MDM2: variants seen among roughly 807,000 people sequenced by gnomAD.
The protein encoded by MDM2 is E3 ubiquitin-protein ligase Mdm2.
A neutral mutation model predicts 64.3 loss-of-function variants in MDM2; 11 were observed. The ratio of observed to expected loss-of-function variants is 0.17; its 90% CI spans 0.11 to 0.28. MDM2 has a LOEUF of 0.28. Among genes scored for constraint, MDM2 ranks in the 10% least tolerant of loss-of-function variants. MDM2 has a pLI of 1.00. For synonymous variants in MDM2, 194 were observed against 192.9 expected (o/e 1.01, Z -0.05); for missense variants, 388 against 577.1 (o/e 0.67, Z 3.36).
At chr12:68,846,814 T>C (rs758207457), downstream of MDM2, 23 of 152,062 alleles carry the variant, frequency 1.5e-4, no homozygotes, top group Admixed American at 1.5e-3. Context: ...TGGTACTTAC[T>C]CGCCTAGTGA....
At chr12:68,830,616 G>C (rs1882716415) in intron 8 of MDM2, among the ~76,000 whole-genome samples, 1 of 152,178 alleles carries the variant, frequency 6.6e-6, no homozygotes, top group African/African-American at 2.4e-5. Flanking sequence ...AGGCTCTTGA[G>C]CGGAAATATA....
In MDM2 at chr12:68,839,989, A is replaced by C; in HGVS notation, c.*140A>C. ...TTCTTCTCTTTAGTATAATTGACCT[A>C]CTTTGGTAGTGGAATAGTGAATACT... is the stretch of plus-strand genomic sequence containing the variant. On this transcript the variant is annotated 3_prime_UTR_variant, in exon 11 of 11. Transcript: ENST00000258149. 1 of 748,612 alleles carries C rather than the reference A, an allele frequency of 1.3e-6. No individual in the cohort carries two copies. The allele number at this position is 748,612 out of a possible 1,614,324, so 46.4% of individuals were successfully genotyped here. A position where few individuals can be genotyped will look rare whatever the true frequency, so the allele number is the denominator to read the frequency against.
chr12:68,826,862 G>T (rs562429730), intron 7 of MDM2, among the ~76,000 whole-genome samples: 1 of 151,874 alleles, frequency 6.6e-6, no homozygotes, highest in African/African-American at 2.4e-5. Flanking sequence ...CTCACGTGCA[G>T]AACTTGTGAT....
chr12:68,845,001 C>CAAGTG lies in MDM2; in HGVS notation c.*5154_*5158dup, dbSNP rs759423049. On this transcript the variant is annotated 3_prime_UTR_variant, in exon 11 of 11. Coordinates refer to ENST00000258149, the MANE Select transcript of MDM2 (RefSeq NM_002392.6). ...CAGGCTGGGCTCAAACTCCTGACCT[C>CAAGTG]AAGTGATCTGCCCGCCTTGGCCCCC... 2.6e-4 allele frequency: 51 copies of CAAGTG among 195,722 alleles called. No individual in the cohort carries two copies. In the East Asian group the frequency reaches 2.9e-3, roughly 11 times the overall value. The allele number at this position is 195,722 out of a possible 1,614,324, so 12.1% of individuals were successfully genotyped here.
intron 2 of MDM2, among the ~76,000 whole-genome samples, chr12:68,812,288 T>G (rs1375747053): frequency 1.3e-5 from 2 of 152,198 alleles, no homozygotes; most frequent in African/African-American, 4.8e-5. Flanking sequence ...GTTTTATTGA[T>G]TAGCTGGAAA....
intron 7 of MDM2, among the ~76,000 whole-genome samples, chr12:68,825,186 G>T (rs1454940911): frequency 8.6e-5 from 13 of 152,000 alleles, no homozygotes. Context: ...TCCAGCCTGG[G>T]TAACCGTGTG....
In MDM2 at chr12:68,842,626, AC is replaced by A. The variant is rs1883877740; in HGVS notation, c.*2778del. 1 of 288,704 alleles carries A rather than the reference AC, an allele frequency of 3.5e-6. No homozygotes were observed. The highest frequency in any genetic ancestry group is 6.9e-6 in the Non-Finnish European group (1 of 145,882). 17.9% of individuals were successfully genotyped at this position (288,704 alleles called of 1,614,324 possible). A position where few individuals can be genotyped will look rare whatever the true frequency, so the allele number is the denominator to read the frequency against. On this transcript the variant is annotated 3_prime_UTR_variant, in exon 11 of 11. Transcript: ENST00000258149. ...AGTGAAATGTGGACATAAAATAGTT[AC>A]GCTATTTGGTTAATGGTACTAGACA...
rs369621978 is a variant in MDM2, at chr12:68,813,669, A to G, written c.174+41A>G. Reference sequence around the variant, plus strand: ...AGATAAGTAGTATCTCACTAGTTACATGTAGCCATACTTAAAGTTTTCAAG... The same window carrying G: ...AGATAAGTAGTATCTCACTAGTTACGTGTAGCCATACTTAAAGTTTTCAAG... On this transcript the variant is annotated intron_variant, in intron 3 of 10. Coordinates refer to ENST00000258149, the MANE Select transcript of MDM2 (RefSeq NM_002392.6). The G allele has an allele frequency of 1.3e-4, 191 of 1,419,400 alleles. 1 individual carries two copies. Among genetic ancestry groups the G allele is most frequent in the Non-Finnish European group, 1.8e-4 (179 of 1,014,578 alleles). 87.9% of individuals were successfully genotyped at this position (1,419,400 alleles called of 1,614,324 possible). A position where few individuals can be genotyped will look rare whatever the true frequency, so the allele number is the denominator to read the frequency against.
At chr12:68,820,813 T>G (rs1881778034) in intron 5 of MDM2, among the ~76,000 whole-genome samples, 1 of 152,190 alleles carries the variant, frequency 6.6e-6, no homozygotes, top group South Asian at 2.1e-4. Context: ...CCTACTTCCG[T>G]TTCTTAACTG....
intron 4 of MDM2, 64 bp downstream of exon 4, chr12:68,817,009 C>T (rs2136122058): frequency 6.5e-7 from 1 of 1,545,572 alleles, no homozygotes; most frequent in Non-Finnish European, 8.7e-7. Flanking sequence ...TCACCTCTAC[C>T]CTCATTCACT....
chr12:68,829,090 C>A (rs1282594146), intron 8 of MDM2, among the ~76,000 whole-genome samples, 159 bp downstream of exon 8: 1 of 152,140 alleles, frequency 6.6e-6, no homozygotes, highest in Non-Finnish European at 1.5e-5. Context: ...ATATTGATCT[C>A]CACCTTCAAC....
chr12:68,833,343 T>TTATATAAATATAAAAATATA (rs1883051265), intron 8 of MDM2, among the ~76,000 whole-genome samples: 1 of 125,484 alleles, frequency 8.0e-6, no homozygotes, highest in Non-Finnish European at 1.7e-5. Context: ...AAATATATAT[T>TTATATAAATATAAAAATATA]TATGTAAATA....
intron 1 of MDM2, 182 bp from the exon 2 acceptor site, chr12:68,809,026 T>A: frequency 6.7e-7 from 1 of 1,483,748 alleles, no homozygotes; most frequent in Non-Finnish European, 8.9e-7. Context: ...CTGTGTTCAG[T>A]GGCGATTGGA....
In MDM2 at chr12:68,839,936, G is replaced by A. The variant is rs3730656; in HGVS notation, c.*87G>A. The A allele has an allele frequency of 0.02, 23,532 of 1,201,822 alleles. 3,479 individuals carry two copies. In the African/African-American group the frequency reaches 0.32, roughly 16 times the overall value. The allele number at this position is 1,201,822 out of a possible 1,614,324, so 74.4% of individuals were successfully genotyped here. ...CTGAAATTTATTCACATATATCAAAGTGAGAAAATGCCTCAATTCACATAG... is the reference window on the plus strand; with the variant it reads ...CTGAAATTTATTCACATATATCAAAATGAGAAAATGCCTCAATTCACATAG... On this transcript the variant is annotated 3_prime_UTR_variant, in exon 11 of 11. Transcript: ENST00000258149.
intron 10 of MDM2, 115 bp downstream of exon 10, chr12:68,836,864 G>T: frequency 1.5e-5 from 9 of 611,240 alleles, no homozygotes; most frequent in Non-Finnish European, 2.2e-5. Flanking sequence ...AAATGTTTTT[G>T]TAAAGTCTGA....
chr12:68,844,067 ATTT>A lies in MDM2; in HGVS notation c.*4221_*4223del, dbSNP rs758204305. 12 of 205,834 alleles carry A rather than the reference ATTT, an allele frequency of 5.8e-5. No homozygotes were observed. Among genetic ancestry groups the A allele is most frequent in the Non-Finnish European group, 7.9e-5 (8 of 100,818 alleles). 12.8% of individuals were successfully genotyped at this position (205,834 alleles called of 1,614,324 possible). On this transcript the variant is annotated 3_prime_UTR_variant, in exon 11 of 11. Coordinates refer to ENST00000258149, the MANE Select transcript of MDM2 (RefSeq NM_002392.6). The stretch of plus-strand genomic sequence containing the variant: ...TTGATATATGGAGGCAGTGACAGCT[ATTT>A]TTACAAAATTTAAATCTGCAAATGG...
chr12:68,810,710 C>T (rs932153940), intron 2 of MDM2, among the ~76,000 whole-genome samples: 4 of 152,146 alleles, frequency 2.6e-5, no homozygotes, highest in Admixed American at 1.3e-4. Context: ...ATCCGCCCGC[C>T]TCGGCCTCCC....
chr12:68,834,243 A>G (rs1335762207), intron 8 of MDM2, among the ~76,000 whole-genome samples: 1 of 151,968 alleles, frequency 6.6e-6, no homozygotes, highest in Non-Finnish European at 1.5e-5. Context: ...GGATTTCGAG[A>G]CCAGCCCAGC....
At chr12:68,817,878 A>G (rs567490349) in intron 4 of MDM2, among the ~76,000 whole-genome samples, 1 of 151,584 alleles carries the variant, frequency 6.6e-6, no homozygotes, top group East Asian at 1.9e-4. Flanking sequence ...GCTCACTGCA[A>G]CCTCCGTCTC....
Sources: allele counts gnomAD v4.1 joint callset (sites outside exome capture counted in the v4.1 genomes callset), GRCh38; gene constraint gnomAD v4.1.1; transcripts MANE v1.5; gene names NCBI Gene and HGNC (gene_info 2026-07-23, HGNC 2026-07-21).